GRM5: variants seen among roughly 807,000 people sequenced by gnomAD.
The protein encoded by GRM5 is metabotropic glutamate receptor 5.
Under a neutral mutation model 83.1 loss-of-function variants are expected in GRM5, and 19 were observed. That is an observed-to-expected ratio of 0.23 (90% CI 0.16 to 0.34). The LOEUF (loss-of-function observed/expected upper bound fraction) is 0.34, where lower values mean the gene tolerates loss of function less well. Ranked by LOEUF, GRM5 falls within the 10% of genes least tolerant of loss-of-function variation. The pLI, the probability that GRM5 is intolerant of heterozygous loss-of-function variation, is 1.00. For missense variants in GRM5, 1,160 were observed against 1,588.3 expected (o/e 0.73, Z 4.58); for synonymous variants, 675 against 633.6 (o/e 1.07, Z -0.98).
At chr11:88,915,559 A>G (rs1447583263) in intron 2 of GRM5, among the ~76,000 whole-genome samples, 2 of 128,216 alleles carry the variant, frequency 1.6e-5, no homozygotes, top group Admixed American at 1.6e-4. Context: ...TGCAAAGGTC[A>G]TATATTCTCT....
intron 3 of GRM5, among the ~76,000 whole-genome samples, chr11:88,792,767 C>T (rs188828219): frequency 3.7e-4 from 56 of 152,004 alleles, no homozygotes; most frequent in Admixed American, 1.6e-3. Context: ...TTTAAATTGT[C>T]TTTTCTTAAA....
chr11:88,650,578 C>T (rs961226232), intron 4 of GRM5, among the ~76,000 whole-genome samples: 3 of 151,908 alleles, frequency 2.0e-5, no homozygotes, highest in Non-Finnish European at 4.4e-5. Flanking sequence ...AACTCTCATA[C>T]ATGATAGGGA....
chr11:88,505,646 C>T lies in GRM5; in HGVS notation c.*2946G>A, dbSNP rs201821833. On this transcript the variant is annotated 3_prime_UTR_variant, in exon 10 of 10. Coordinates refer to ENST00000305447, the MANE Select transcript of GRM5 (RefSeq NM_001143831.3). ...TTCTTAGGCTGCCCCCACTCCTTTC[C>T]CAAAATGGAAGGATGAGTGGACTGC... is the stretch of plus-strand genomic sequence containing the variant. The T allele has an allele frequency of 4.6e-5, 7 of 152,202 alleles. No homozygotes were observed. The East Asian group carries it at 1.3e-3, about 29-fold the overall frequency. 9.4% of individuals were successfully genotyped at this position (152,202 alleles called of 1,614,324 possible).
intron 3 of GRM5, among the ~76,000 whole-genome samples, chr11:88,686,094 C>T (rs756428791): frequency 3.9e-5 from 6 of 152,168 alleles, no homozygotes; most frequent in South Asian, 2.1e-4. Flanking sequence ...CAACACTACC[C>T]GCTGAAAGCA....
intron 3 of GRM5, among the ~76,000 whole-genome samples, chr11:88,730,550 T>C (rs1941785051): frequency 6.6e-6 from 1 of 152,108 alleles, no homozygotes; most frequent in Admixed American, 6.5e-5. Flanking sequence ...ATCATTCTAC[T>C]GTAAAGACAC....
chr11:89,025,009 A>G (rs1465971702), intron 2 of GRM5, among the ~76,000 whole-genome samples: 2 of 152,224 alleles, frequency 1.3e-5, no homozygotes, highest in South Asian at 2.1e-4. Context: ...ACAAATCTAT[A>G]CAATGTTAGT....
intron 2 of GRM5, among the ~76,000 whole-genome samples, chr11:88,933,617 G>A (rs899100380): frequency 2.6e-5 from 4 of 151,610 alleles, no homozygotes; most frequent in Admixed American, 6.6e-5. Flanking sequence ...GACCTATTTC[G>A]TTTGAGTCGT....
intron 3 of GRM5, among the ~76,000 whole-genome samples, chr11:88,778,642 G>A (rs1401736555): frequency 6.6e-6 from 1 of 152,084 alleles, no homozygotes; most frequent in Non-Finnish European, 1.5e-5. Flanking sequence ...ACTATGAATT[G>A]GCTTATATTT....
chr11:88,887,889 G>A (rs529494048), intron 2 of GRM5, among the ~76,000 whole-genome samples: 6 of 152,074 alleles, frequency 3.9e-5, no homozygotes, highest in Admixed American at 3.9e-4. Flanking sequence ...AGCTCTTTTA[G>A]CAATCATATC....
intron 2 of GRM5, among the ~76,000 whole-genome samples, chr11:88,885,161 T>A (rs867712634): frequency 6.6e-6 from 1 of 151,904 alleles, no homozygotes; most frequent in South Asian, 2.1e-4. Context: ...TCCTATTTTT[T>A]AGGCTCTAGT....
chr11:88,863,086 G>A (rs1944595019), intron 2 of GRM5, among the ~76,000 whole-genome samples: 1 of 152,076 alleles, frequency 6.6e-6, no homozygotes, highest in Non-Finnish European at 1.5e-5. Flanking sequence ...CAGTCAGATG[G>A]TGATTTTTAA....
intron 3 of GRM5, among the ~76,000 whole-genome samples, chr11:88,731,381 T>G (rs1350700294): frequency 3.3e-5 from 5 of 152,084 alleles, no homozygotes; most frequent in Non-Finnish European, 7.4e-5. Flanking sequence ...AAATCACCTT[T>G]GATTCTTTGG....
intron 4 of GRM5, among the ~76,000 whole-genome samples, chr11:88,649,373 ATATAT>A (rs1939567894): frequency 7.1e-6 from 1 of 141,458 alleles, no homozygotes; most frequent in Non-Finnish European, 1.5e-5. Flanking sequence ...TAAATATTAC[ATATAT>A]TATGTATTAT....
At chr11:88,927,939 GC>G (rs920378794) in intron 2 of GRM5, among the ~76,000 whole-genome samples, 2 of 152,016 alleles carry the variant, frequency 1.3e-5, no homozygotes, top group Non-Finnish European at 2.9e-5. Flanking sequence ...GATTTAAAAA[GC>G]CCCCCCAGTC....
At chr11:88,510,353 T>C (rs960623951) in intron 9 of GRM5, among the ~76,000 whole-genome samples, 7 of 152,168 alleles carry the variant, frequency 4.6e-5, no homozygotes, top group Non-Finnish European at 1.0e-4. Flanking sequence ...ACTTCCACCA[T>C]GGGGTCTGAA....
At chr11:88,619,257 A>C (rs756651614) in intron 4 of GRM5, among the ~76,000 whole-genome samples, 7 of 152,238 alleles carry the variant, frequency 4.6e-5, no homozygotes, top group Non-Finnish European at 8.8e-5. Context: ...GAGATGCAAG[A>C]GATTTCAGAG....
chr11:88,562,531 G>A (rs1398996289), intron 8 of GRM5, among the ~76,000 whole-genome samples: 2 of 152,124 alleles, frequency 1.3e-5, no homozygotes, highest in East Asian at 3.9e-4. Context: ...TCTGTAAGGT[G>A]GCAGAACATA....
chr11:88,934,231 C>A (rs185427448), intron 2 of GRM5, among the ~76,000 whole-genome samples: 21 of 151,882 alleles, frequency 1.4e-4, no homozygotes, highest in African/African-American at 4.8e-4. Flanking sequence ...GCTGTGATCT[C>A]TATTTTTTGA....
chr11:89,022,546 G>A (rs1476447423), intron 2 of GRM5, among the ~76,000 whole-genome samples: 1 of 151,870 alleles, frequency 6.6e-6, no homozygotes, highest in Non-Finnish European at 1.5e-5. Flanking sequence ...CAGCTACTCA[G>A]GAGGCAGAGG....
Sources: allele counts gnomAD v4.1 joint callset (sites outside exome capture counted in the v4.1 genomes callset), GRCh38; gene constraint gnomAD v4.1.1; transcripts MANE v1.5; gene names NCBI Gene and HGNC (gene_info 2026-07-23, HGNC 2026-07-21).